Variants in CIMIP4 observed in about 807,000 individuals in gnomAD.
CIMIP4 encodes the protein protein EAN57.
At chr22:36,991,965 C>T in the CIMIP4 span, among the ~76,000 whole-genome samples, 1 of 152,084 alleles carries the variant, frequency 6.6e-6, no homozygotes, top group Non-Finnish European at 1.5e-5. Flanking sequence ...CAAGCAGATA[C>T]GTTGCAATGA....
chr22:37,002,609 G>A, the CIMIP4 span, among the ~76,000 whole-genome samples: 3 of 152,282 alleles, frequency 2.0e-5, no homozygotes, highest in African/African-American at 7.2e-5. Flanking sequence ...CCGCCTTGAG[G>A]CCTAGCTGTG....
At chr22:36,999,939 T>G in the CIMIP4 span, 2 of 1,613,900 alleles carry the variant, frequency 1.2e-6, no homozygotes. Context: ...GGCCATGAGC[T>G]TGCCCTTTTC....
At chr22:37,001,340 T>C in the CIMIP4 span, among the ~76,000 whole-genome samples, 1 of 151,862 alleles carries the variant, frequency 6.6e-6, no homozygotes, top group African/African-American at 2.4e-5. Flanking sequence ...GGTAAGTAAC[T>C]TATCCAAAGT....
chr22:36,992,567 A>C, the CIMIP4 span, among the ~76,000 whole-genome samples: 2 of 151,220 alleles, frequency 1.3e-5, no homozygotes, highest in African/African-American at 2.4e-5. Context: ...CTTGGGTGGG[A>C]GTGGATGGGT....
chr22:36,998,210 T>C, the CIMIP4 span, among the ~76,000 whole-genome samples: 4 of 152,154 alleles, frequency 2.6e-5, no homozygotes, highest in African/African-American at 9.7e-5. Flanking sequence ...TGGTGACCGA[T>C]AGTTGTTAAA....
chr22:37,003,688 C>G, the CIMIP4 span, among the ~76,000 whole-genome samples: 2 of 152,318 alleles, frequency 1.3e-5, no homozygotes, highest in East Asian at 3.9e-4. Flanking sequence ...CTGGTACACA[C>G]AAGACTCAGA....
chr22:36,991,428 CCTG>C, the CIMIP4 span: 1 of 1,588,834 alleles, frequency 6.3e-7, no homozygotes, highest in Non-Finnish European at 8.6e-7. Context: ...GCCAACACAC[CCTG>C]CTGGTGGAGG....
the CIMIP4 span, chr22:37,004,062 A>G: frequency 6.6e-7 from 1 of 1,515,542 alleles, no homozygotes; most frequent in South Asian, 1.2e-5. Flanking sequence ...GTCTCAGATA[A>G]CACACAGAGT....
chr22:37,004,935 G>A, the CIMIP4 span, among the ~76,000 whole-genome samples: 28,355 of 151,906 alleles, frequency 0.19, 3,068 homozygotes, highest in East Asian at 0.53. Context: ...TGATCCACCC[G>A]CCTCAGCCTC....
the CIMIP4 span, among the ~76,000 whole-genome samples, chr22:36,998,476 T>A: frequency 6.6e-6 from 1 of 152,110 alleles, no homozygotes; most frequent in African/African-American, 2.4e-5. Context: ...CATTTTGCAA[T>A]GAGGCCAAAC....
chr22:36,999,975 C>T, the CIMIP4 span: 7 of 1,611,366 alleles, frequency 4.3e-6, no homozygotes, highest in Admixed American at 1.7e-5. Context: ...TCATCAATAG[C>T]CTTTTGAGCC....
the CIMIP4 span, among the ~76,000 whole-genome samples, chr22:37,005,932 G>A: frequency 6.6e-6 from 1 of 152,216 alleles, no homozygotes; most frequent in African/African-American, 2.4e-5. Flanking sequence ...TCTGGAAAGT[G>A]TGCCCAGGAG....
At chr22:36,992,493 A>G in the CIMIP4 span, among the ~76,000 whole-genome samples, 1 of 152,224 alleles carries the variant, frequency 6.6e-6, no homozygotes, top group Non-Finnish European at 1.5e-5. Context: ...AATGAAACAC[A>G]TAATAATTGA....
the CIMIP4 span, among the ~76,000 whole-genome samples, chr22:36,994,915 C>T: frequency 6.6e-6 from 1 of 152,210 alleles, no homozygotes; most frequent in African/African-American, 2.4e-5. Context: ...CAGGCGTGAG[C>T]CACTGCGCCC....
chr22:37,006,752 A>G, the CIMIP4 span, among the ~76,000 whole-genome samples: 4,584 of 152,324 alleles, frequency 0.03, 165 homozygotes, highest in South Asian at 0.11. Flanking sequence ...ATGGCTCCCA[A>G]TGATCCCTGT....
the CIMIP4 span, among the ~76,000 whole-genome samples, chr22:37,001,569 T>C: frequency 6.6e-6 from 1 of 152,150 alleles, no homozygotes; most frequent in African/African-American, 2.4e-5. Flanking sequence ...TAGGTGAATT[T>C]GGTTGACTGA....
the CIMIP4 span, chr22:36,999,857 C>G: frequency 1.2e-6 from 2 of 1,613,574 alleles, no homozygotes; most frequent in Non-Finnish European, 8.5e-7. Flanking sequence ...CAAGTTTGAC[C>G]GCATGTTGTA....
At chr22:37,002,432 T>C in the CIMIP4 span, 1 of 581,854 alleles carries the variant, frequency 1.7e-6, no homozygotes, top group South Asian at 5.2e-5. Flanking sequence ...GCCCCAGAGC[T>C]CCACAGCCAG....
chr22:36,994,411 C>G, the CIMIP4 span, among the ~76,000 whole-genome samples: 1 of 151,916 alleles, frequency 6.6e-6, no homozygotes, highest in African/African-American at 2.4e-5. Context: ...CTCCGCCTAC[C>G]TCCGCCTCCC....
Sources: gnomAD v4.1 joint callset for allele counts (sites outside exome capture counted in the v4.1 genomes callset) on GRCh38, gnomAD v4.1.1 for gene constraint, MANE v1.5 for transcripts, NCBI Gene and HGNC (gene_info 2026-07-23, HGNC 2026-07-21) for gene names.